The following HNRNPA2B1 variants were observed in gnomAD, a reference collection of about 807,000 sequenced individuals.
The protein encoded by HNRNPA2B1 is heterogeneous nuclear ribonucleoproteins A2/B1.
A neutral mutation model predicts 46.3 loss-of-function variants in HNRNPA2B1; 3 were observed. The ratio of observed to expected loss-of-function variants is 0.06; its 90% CI spans 0.03 to 0.17. The LOEUF is 0.17. HNRNPA2B1 is among the 10% of genes least tolerant of loss of function. The probability of loss-of-function intolerance (pLI) is 1.00; values close to 1 mark genes in which losing one functional copy is unlikely to be tolerated. For synonymous variants in HNRNPA2B1, 225 were observed against 133.8 expected (o/e 1.68, Z -4.70); for missense variants, 221 against 418.9 (o/e 0.53, Z 4.12).
At chr7:26,194,788 A>C (rs1211918172) in intron 7 of HNRNPA2B1, among the ~76,000 whole-genome samples, 2 of 149,836 alleles carry the variant, frequency 1.3e-5, no homozygotes, top group Non-Finnish European at 3.0e-5. Context: ...CACATACTGC[A>C]AAACAAAAAT....
chr7:26,196,115 T>G (rs1418898560), intron 6 of HNRNPA2B1, among the ~76,000 whole-genome samples: 1 of 152,184 alleles, frequency 6.6e-6, no homozygotes, highest in African/African-American at 2.4e-5. Flanking sequence ...GTCTCAATCT[T>G]AGAGATTCCA....
chr7:26,194,266 G>A (rs908747628), intron 7 of HNRNPA2B1, among the ~76,000 whole-genome samples: 3 of 151,982 alleles, frequency 2.0e-5, no homozygotes, highest in Admixed American at 6.5e-5. Flanking sequence ...CATGGTGGCA[G>A]CAACCTGTAG....
At chr7:26,193,722 C>T in intron 7 of HNRNPA2B1, 28 bp from the exon 8 acceptor site, 1 of 1,582,776 alleles carries the variant, frequency 6.3e-7, no homozygotes, top group East Asian at 2.2e-5. Flanking sequence ...TTTAAGTAAT[C>T]ACTTAATATT....
chr7:26,192,736 A>C lies in HNRNPA2B1; in HGVS notation c.965-159T>G, dbSNP rs1368110775. Among the ~76,000 whole-genome samples the C allele has an allele frequency of 3.3e-5, 5 of 152,180 alleles. No homozygotes were observed. The East Asian group carries it at 9.6e-4, about 29-fold the overall frequency. On this transcript the variant is annotated intron_variant, in intron 9 of 10. Coordinates refer to ENST00000618183, the MANE Select transcript of HNRNPA2B1 (RefSeq NM_002137.4). ...AGCAGAATTACTCAGGAGATAAATT[A>C]CTCGGGTTCATAGACATTTTTATTT...
At chr7:26,194,927 C>G (rs1281550356) in intron 7 of HNRNPA2B1, among the ~76,000 whole-genome samples, 1 of 151,546 alleles carries the variant, frequency 6.6e-6, no homozygotes, top group Admixed American at 6.6e-5. Flanking sequence ...AACCCCGTCT[C>G]TACTAAAAAT....
At chr7:26,197,827 G>C (rs768195869) in intron 1 of HNRNPA2B1, 95 bp from the exon 2 acceptor site, 2 of 1,605,114 alleles carry the variant, frequency 1.2e-6, no homozygotes, top group Admixed American at 1.7e-5. Flanking sequence ...TGCTGGCAGA[G>C]TACCTTTTTC....
chr7:26,189,953 T>C lies in HNRNPA2B1; in HGVS notation c.*2407A>G, dbSNP rs965791534. On this transcript the variant is annotated 3_prime_UTR_variant, in exon 11 of 11. Coordinates refer to ENST00000618183, the MANE Select transcript of HNRNPA2B1 (RefSeq NM_002137.4). ...ACAGTGCATAATGAACAGCATTTTA[T>C]TGGGGACAGCCAATAATGTCCACAA... 8 of 152,230 alleles carry C rather than the reference T, an allele frequency of 5.3e-5. No homozygotes were observed. Among genetic ancestry groups the C allele is most frequent in the Admixed American group, 6.5e-5 (1 of 15,288 alleles). The allele number at this position is 152,230 out of a possible 1,614,324, so 9.4% of individuals were successfully genotyped here.
chr7:26,197,747 A>G lies in HNRNPA2B1; in HGVS notation c.7-15T>C, dbSNP rs766781097. 3.1e-6 allele frequency: 5 copies of G among 1,602,688 alleles called. No homozygotes were observed. The highest frequency in any genetic ancestry group is 3.4e-6 in the Non-Finnish European group (4 of 1,172,206). ...TCCTTTTCTCTCTGCAAAGGAAAAT[A>G]CCATTTCAATTTTTATTTACATTTT... On this transcript the variant is annotated splice_polypyrimidine_tract_variant and intron_variant, in intron 1 of 10. Transcript: ENST00000618183.
Position 26,192,475 on chromosome 7 carries a change from A to G in HNRNPA2B1, c.*21+20T>C, listed in dbSNP as rs375284812. The G allele has an allele frequency of 6.6e-7, 1 of 1,515,808 alleles. No individual in the cohort carries two copies. The highest frequency in any genetic ancestry group is 9.2e-7 in the Non-Finnish European group (1 of 1,091,078). 93.9% of individuals were successfully genotyped at this position (1,515,808 alleles called of 1,614,324 possible). On this transcript the variant is annotated intron_variant, in intron 10 of 10. Coordinates refer to ENST00000618183, the MANE Select transcript of HNRNPA2B1 (RefSeq NM_002137.4). ...TGTCTCCCAAGATAATAATAATTGT[A>G]AAACTCAAAAGCTACTTACCCATGG...
chr7:26,194,729 GTTC>G (rs968520378), intron 7 of HNRNPA2B1, among the ~76,000 whole-genome samples: 5 of 150,754 alleles, frequency 3.3e-5, no homozygotes, highest in African/African-American at 4.9e-5. Flanking sequence ...CACACAGTAT[GTTC>G]TTTACTGTAA....
chr7:26,200,719 C>A lies in HNRNPA2B1; in HGVS notation c.-142G>T, dbSNP rs897502661. On this transcript the variant is annotated 5_prime_UTR_variant, in exon 1 of 11. Transcript: ENST00000618183. ...AGAAACAACTCTGCGAGGAGCACCT[C>A]CGCACGGGACCCGGCGCTGCTGCTA... 18 of 1,027,120 alleles carry A rather than the reference C, an allele frequency of 1.8e-5. No individual in the cohort carries two copies. Among genetic ancestry groups the A allele is most frequent in the East Asian group, 1.2e-4 (5 of 42,072 alleles). The allele number at this position is 1,027,120 out of a possible 1,614,324, so 63.6% of individuals were successfully genotyped here.
chr7:26,197,354 A>G lies in HNRNPA2B1; in HGVS notation c.225T>C (p.Asp75=). 1 of 1,613,918 alleles carries G rather than the reference A, an allele frequency of 6.2e-7. No individual in the cohort carries two copies. Among genetic ancestry groups the G allele is most frequent in the Non-Finnish European group, 8.5e-7 (1 of 1,179,912 alleles). Residue 75 remains aspartate (D), a synonymous_variant, in exon 3 of 11, where the codon GAT becomes GAC. Transcript: ENST00000618183. ...AAMAARPHSI[D]GRVVEPKRAV... is the part of the protein sequence containing the mutation. ...CACGTTTTGGCTCAACTACTCTCCC[A>G]TCAATTGAATGAGGTCTTGCAGCCA...
At position 26,193,384 on chromosome 7, in the gene HNRNPA2B1, A is replaced by C. The variant is rs749581963; in HGVS notation, c.842-11T>G. 6.2e-7 allele frequency: 1 copy of C among 1,609,868 alleles called. No individual in the cohort carries two copies. The highest frequency in any genetic ancestry group is 8.5e-7 in the Non-Finnish European group (1 of 1,176,472). ...CACTTCCATAATTTCCTATTAAAAA[A>C]TTGGAATACTCAGAACAATACAAAC... is the stretch of plus-strand genomic sequence containing the variant. On this transcript the variant is annotated splice_polypyrimidine_tract_variant and intron_variant, in intron 8 of 10. Transcript: ENST00000618183.
chr7:26,191,155 A>G lies in HNRNPA2B1; in HGVS notation c.*1205T>C, dbSNP rs930528157. Reference sequence around the variant, plus strand: ...TAAAATTCCGGCAGGGAAAAAAATGATATGTTAAGCACCCAAATCTTCACA... The same window carrying G: ...TAAAATTCCGGCAGGGAAAAAAATGGTATGTTAAGCACCCAAATCTTCACA... On this transcript the variant is annotated 3_prime_UTR_variant, in exon 11 of 11. Coordinates refer to ENST00000618183, the MANE Select transcript of HNRNPA2B1 (RefSeq NM_002137.4). 6.0e-5 allele frequency: 9 copies of G among 150,006 alleles called. No individual in the cohort carries two copies. Among genetic ancestry groups the G allele is most frequent in the South Asian group, 2.2e-4 (1 of 4,558 alleles). 9.3% of individuals were successfully genotyped at this position (150,006 alleles called of 1,614,324 possible).
In HNRNPA2B1 at chr7:26,200,472, TCCTG is replaced by T. The variant is rs1174664489; in HGVS notation, c.6+96_6+99del. 2.1e-5 allele frequency: 26 copies of T among 1,216,120 alleles called. 1 individual carries two copies. The Middle Eastern group carries it at 1.3e-3, about 61-fold the overall frequency. 75.3% of individuals were successfully genotyped at this position (1,216,120 alleles called of 1,614,324 possible). The stretch of plus-strand genomic sequence containing the variant: ...CCACTGCTACTGAATTGGTCCGATT[TCCTG>T]CCTCTCTCCCACGGAGGCGGCTGGC... On this transcript the variant is annotated intron_variant, in intron 1 of 10. Coordinates refer to ENST00000618183, the MANE Select transcript of HNRNPA2B1 (RefSeq NM_002137.4).
intron 9 of HNRNPA2B1, 77 bp downstream of exon 9, chr7:26,193,174 G>A (rs1374266080): frequency 7.1e-7 from 1 of 1,410,300 alleles, no homozygotes; most frequent in African/African-American, 1.4e-5. Flanking sequence ...TACTTAGTAT[G>A]TTATCTTCCC....
Position 26,191,424 on chromosome 7 carries a change from AAAG to A in HNRNPA2B1, c.*933_*935del, listed in dbSNP as rs1456007139. ...AGGAAAAGTAAATAAGATCTTACCT[AAAG>A]AAGTTTAACTGAAGCTTAGAACTAT... On this transcript the variant is annotated 3_prime_UTR_variant, in exon 11 of 11. Coordinates refer to ENST00000618183, the MANE Select transcript of HNRNPA2B1 (RefSeq NM_002137.4). The A allele has an allele frequency of 1.3e-5, 2 of 152,196 alleles. No homozygotes were observed. The highest frequency in any genetic ancestry group is 2.4e-5 in the African/African-American group (1 of 41,458). 9.4% of individuals were successfully genotyped at this position (152,196 alleles called of 1,614,324 possible). A position where few individuals can be genotyped will look rare whatever the true frequency, so the allele number is the denominator to read the frequency against.
intron 7 of HNRNPA2B1, among the ~76,000 whole-genome samples, chr7:26,195,307 A>C (rs747655217): frequency 6.6e-6 from 1 of 152,158 alleles, no homozygotes; most frequent in African/African-American, 2.4e-5. Context: ...CCTTGTTACA[A>C]AATCTGTCAG....
rs1192578082 is a variant in HNRNPA2B1, at chr7:26,190,003, A to AT, written c.*2356dup. On this transcript the variant is annotated 3_prime_UTR_variant, in exon 11 of 11. Coordinates refer to ENST00000618183, the MANE Select transcript of HNRNPA2B1 (RefSeq NM_002137.4). ...ATGCTCTTCTCATTTACCTGTTAAT[A>AT]TTAAAATATGCATAGCTTTGTGAAA... The AT allele has an allele frequency of 6.6e-6, 1 of 152,336 alleles. No homozygotes were observed. Among genetic ancestry groups the AT allele is most frequent in the Non-Finnish European group, 1.5e-5 (1 of 68,018 alleles). 9.4% of individuals were successfully genotyped at this position (152,336 alleles called of 1,614,324 possible). A position where few individuals can be genotyped will look rare whatever the true frequency, so the allele number is the denominator to read the frequency against.
Sources: allele counts gnomAD v4.1 joint callset (sites outside exome capture counted in the v4.1 genomes callset), GRCh38; gene constraint gnomAD v4.1.1; transcripts MANE v1.5; gene names NCBI Gene and HGNC (gene_info 2026-07-23, HGNC 2026-07-21).